ACSBG2: variants seen among roughly 807,000 people sequenced by gnomAD.
ACSBG2 encodes the protein acyl-CoA synthetase bubblegum family member 2.
Under a neutral mutation model 74.7 loss-of-function variants are expected in ACSBG2, and 62 were observed. The ratio of observed to expected loss-of-function variants is 0.83; its 90% CI spans 0.68 to 1.03. ACSBG2 has a LOEUF of 1.03. Ranked by LOEUF, ACSBG2 falls within the 50% of genes least tolerant of loss-of-function variation. ACSBG2 has a pLI of 0.00. For missense variants in ACSBG2, 730 were observed against 817.6 expected (o/e 0.89, Z 1.31); for synonymous variants, 309 against 294.1 (o/e 1.05, Z -0.52).
chr19:6,141,557 C>A lies in ACSBG2; in HGVS notation c.14C>A (p.Pro5Gln). The change falls in exon 2 of 15, where the codon CCA becomes CAA. Residue 5 changes from proline to glutamine, a missense_variant. Transcript: ENST00000588485. MTGTPKTQEGAKDLE... is the reference protein window; with the variant it reads MTGTQKTQEGAKDLE... ...TGCACACCTGGAATGACTGGAACCC[C>A]AAAGACTCAAGAAGGAGCTAAAGAT... 6.2e-7 allele frequency: 1 copy of A among 1,611,996 alleles called. No individual in the cohort carries two copies. Among genetic ancestry groups the A allele is most frequent in the Non-Finnish European group, 8.5e-7 (1 of 1,178,134 alleles).
At chr19:6,155,320 T>G (rs2089381124) in intron 4 of ACSBG2, among the ~76,000 whole-genome samples, 3 of 152,042 alleles carry the variant, frequency 2.0e-5, no homozygotes. Context: ...ACAGACTAAA[T>G]CATGCAAGTT....
At chr19:6,149,468 C>T (rs1184369257) in intron 3 of ACSBG2, among the ~76,000 whole-genome samples, 1 of 151,620 alleles carries the variant, frequency 6.6e-6, no homozygotes, top group African/African-American at 2.4e-5. Flanking sequence ...CATTCTCACC[C>T]ACATTCAGAA....
intron 1 of ACSBG2, among the ~76,000 whole-genome samples, chr19:6,140,417 C>A (rs1321028910): frequency 6.6e-6 from 1 of 152,096 alleles, no homozygotes; most frequent in Non-Finnish European, 1.5e-5. Context: ...CAATGGCTTA[C>A]GCCTGTAATG....
intron 3 of ACSBG2, among the ~76,000 whole-genome samples, chr19:6,151,372 A>G (rs2089234270): frequency 6.6e-6 from 1 of 152,016 alleles, no homozygotes; most frequent in Admixed American, 6.6e-5. Context: ...CAGTGGTGCA[A>G]TCATAGCTCA....
intron 7 of ACSBG2, among the ~76,000 whole-genome samples, chr19:6,167,975 T>G (rs879384829): frequency 3.0e-4 from 6 of 20,168 alleles, no homozygotes; most frequent in African/African-American, 4.4e-4. Flanking sequence ...ACTCCCACCC[T>G]CACCCCCACC....
At chr19:6,187,230 G>A in intron 11 of ACSBG2, 53 bp from the exon 12 acceptor site, 1 of 1,609,144 alleles carries the variant, frequency 6.2e-7, no homozygotes. Context: ...GTCTCAAACT[G>A]GGGGTTCCAC....
At chr19:6,160,698 G>A (rs568243885) in intron 5 of ACSBG2, 1 of 153,236 alleles carries the variant, frequency 6.5e-6, no homozygotes, top group Non-Finnish European at 1.5e-5. Flanking sequence ...TACCGACACT[G>A]TTGGAAGCTA....
intron 8 of ACSBG2, among the ~76,000 whole-genome samples, chr19:6,181,813 G>GCCCCC (rs60054737): frequency 1.7e-4 from 9 of 54,422 alleles, no homozygotes; most frequent in Admixed American, 2.7e-4. Flanking sequence ...GTCCCCACCC[G>GCCCCC]CCCCCCCCCC....
intron 8 of ACSBG2, 62 bp downstream of exon 8, chr19:6,177,458 A>T: frequency 6.7e-7 from 1 of 1,498,076 alleles, no homozygotes; most frequent in Non-Finnish European, 8.9e-7. Flanking sequence ...AGGTGAGTAG[A>T]TGGTTGTTAA....
rs535930723 is a variant in ACSBG2 at position 6,185,640 on chromosome 19, C to T, written c.1527C>T (p.Thr509=). 1.8e-4 allele frequency: 284 copies of T among 1,614,118 alleles called. 1 individual carries two copies. Among genetic ancestry groups the T allele is most frequent in the Middle Eastern group, 1.7e-3 (10 of 6,036 alleles). Residue 509 remains threonine (T), a synonymous_variant, in exon 11 of 15, where the codon ACC becomes ACT. Transcript: ENST00000588485. ...ACGGTCTGGGTTTCCTCTATGTCAC[C>T]GGCCACATCAAAGGTACCAGGGGCT... ...QLDGLGFLYV[T]GHIKEILITA...
chr19:6,190,853 T>A (rs1005105362), intron 14 of ACSBG2, 161 bp downstream of exon 14: 229 of 286,846 alleles, frequency 8.0e-4, no homozygotes, highest in Non-Finnish European at 1.1e-3. Flanking sequence ...ACACACACAC[T>A]CTTAGTTGCA....
At chr19:6,162,339 G>A (rs2089650619) in intron 6 of ACSBG2, among the ~76,000 whole-genome samples, 1 of 149,848 alleles carries the variant, frequency 6.7e-6, no homozygotes, top group Non-Finnish European at 1.5e-5. Context: ...GGCCGAGGCA[G>A]GCGGATCACG....
intron 13 of ACSBG2, 97 bp from the exon 14 acceptor site, chr19:6,190,487 C>G: frequency 9.4e-7 from 1 of 1,062,196 alleles, no homozygotes. Flanking sequence ...GCCACCCAGC[C>G]TAGCCCCAGG....
intron 4 of ACSBG2, among the ~76,000 whole-genome samples, chr19:6,152,858 C>T (rs1568225133): frequency 6.6e-6 from 1 of 152,110 alleles, no homozygotes; most frequent in Non-Finnish European, 1.5e-5. Flanking sequence ...AATGATGGCT[C>T]TGAAGAGCAC....
Position 6,187,738 on chromosome 19 carries a change from T to C in ACSBG2, c.1820T>C (p.Ile607Thr). The C allele has an allele frequency of 1.2e-6, 2 of 1,614,020 alleles. No individual in the cohort carries two copies. Among genetic ancestry groups the C allele is most frequent in the Middle Eastern group, 1.6e-4 (1 of 6,062 alleles). The change falls in exon 13 of 15, where the codon ATC becomes ACC. Residue 607 changes from isoleucine (I) to threonine (T), a missense_variant. By Grantham distance (89) the Ile-to-Thr change is moderately conservative. Coordinates refer to ENST00000588485, the MANE Select transcript of ACSBG2 (RefSeq NM_030924.5). The part of the protein sequence containing the change: ...KQQDPLVYKA[I>T]QQGINAVNQE... ...CAAGACCCCCTGGTCTACAAGGCCA[T>C]CCAGCAAGGCATCAATGCTGTGAAC...
chr19:6,151,652 G>A (rs901736302), intron 3 of ACSBG2, 55 bp from the exon 4 acceptor site: 2 of 1,497,958 alleles, frequency 1.3e-6, no homozygotes, highest in Non-Finnish European at 1.8e-6. Flanking sequence ...ATATCCTAAT[G>A]ATATAACATC....
intron 8 of ACSBG2, among the ~76,000 whole-genome samples, chr19:6,181,821 C>CCT (rs1555696903): frequency 8.1e-6 from 1 of 122,750 alleles, no homozygotes; most frequent in Non-Finnish European, 1.7e-5. Context: ...CCGCCCCCCC[C>CCT]CCCAACGAAA....
At chr19:6,158,935 T>TTTTCC (rs2089517784) in intron 5 of ACSBG2, among the ~76,000 whole-genome samples, 2 of 152,068 alleles carry the variant, frequency 1.3e-5, no homozygotes, top group African/African-American at 4.8e-5. Context: ...TTCTTTTTTC[T>TTTTCC]TTTTCTTTTC....
chr19:6,177,875 A>AGTGTGTGTGTGTGTGTGT (rs3036311), intron 8 of ACSBG2, among the ~76,000 whole-genome samples: 1 of 143,412 alleles, frequency 7.0e-6, no homozygotes, highest in African/African-American at 2.6e-5. Context: ...GAAAGTAAAG[A>AGTGTGTGTGTGTGTGTGT]GTGTGTGTGT....
Sources: gnomAD v4.1 joint callset for allele counts (sites outside exome capture counted in the v4.1 genomes callset) on GRCh38, gnomAD v4.1.1 for gene constraint, MANE v1.5 for transcripts, NCBI Gene and HGNC (gene_info 2026-07-23, HGNC 2026-07-21) for gene names.